MICU3: variants seen among roughly 807,000 people sequenced by gnomAD.
MICU3 encodes calcium uptake protein 3, mitochondrial.
Under a neutral mutation model 66.5 loss-of-function variants are expected in MICU3, and 62 were observed. That is an observed-to-expected ratio of 0.93 (90% confidence interval 0.76 to 1.15). The LOEUF is 1.15. MICU3 is among the 50% of genes most tolerant of loss of function. MICU3 has a pLI of 0.00. For missense variants in MICU3, 779 were observed against 664.4 expected, an observed-to-expected ratio of 1.17 and a Z score of -1.90; for synonymous variants, 308 against 240.7, an observed-to-expected ratio of 1.28 and a Z score of -2.59.
At chr8:17,112,111 A>T (rs944605557) in intron 11 of MICU3, among the ~76,000 whole-genome samples, 1 of 151,992 alleles carries the variant, frequency 6.6e-6, no homozygotes, top group Non-Finnish European at 1.5e-5. Context: ...ACATGGGGGG[A>T]TTATAGGTCC....
In MICU3 at chr8:17,066,517, CTATA is replaced by C. The variant is rs71212675; in HGVS notation, c.535+2301_535+2304del. 2.2e-3 allele frequency among the ~76,000 whole-genome samples: 236 copies of C among 105,018 alleles called. 4 individuals are homozygous for C. The highest frequency in any genetic ancestry group is 8.3e-3 in the African/African-American group (205 of 24,558). The allele number at this position is 105,018 out of a possible 152,430, so 68.9% of individuals were successfully genotyped here. On this transcript the variant is annotated intron_variant, in intron 2 of 14. Transcript: ENST00000318063. ...TATTCTTTAAGTGATTGTTAATAAT[CTATA>C]TATATATATATATATATATAGATTT...
intron 5 of MICU3, among the ~76,000 whole-genome samples, chr8:17,082,505 G>A (rs1821340593): frequency 6.6e-6 from 1 of 152,004 alleles, no homozygotes; most frequent in South Asian, 2.1e-4. Flanking sequence ...AAGTATTATT[G>A]GTTTACATGT....
chr8:17,090,099 G>C (rs1799888134), intron 7 of MICU3, among the ~76,000 whole-genome samples: 1 of 151,954 alleles, frequency 6.6e-6, no homozygotes, highest in African/African-American at 2.4e-5. Flanking sequence ...AACAGTCTTA[G>C]AGAGATTCAT....
At chr8:17,136,751 T>A in the MICU3 span, among the ~76,000 whole-genome samples, 12 of 151,892 alleles carry the variant, frequency 7.9e-5, no homozygotes, top group East Asian at 2.3e-3. Context: ...AGGCAGAGCA[T>A]GGTGGAAGCC....
intron 1 of MICU3, among the ~76,000 whole-genome samples, chr8:17,054,941 G>T (rs1209233315): frequency 6.6e-6 from 1 of 151,798 alleles, no homozygotes; most frequent in Non-Finnish European, 1.5e-5. Context: ...GTTTCACTAT[G>T]TTGGCCAGGA....
intron 5 of MICU3, among the ~76,000 whole-genome samples, chr8:17,083,348 T>C (rs1025561183): frequency 1.3e-5 from 2 of 152,118 alleles, no homozygotes; most frequent in Admixed American, 1.3e-4. Flanking sequence ...CAGAATCTTG[T>C]AGCTCCAGCT....
chr8:17,035,116 T>C (rs1020701144), intron 1 of MICU3, among the ~76,000 whole-genome samples: 11 of 152,214 alleles, frequency 7.2e-5, no homozygotes, highest in African/African-American at 2.7e-4. Context: ...CCTGCCGCCA[T>C]GTAAGAGGTG....
intron 1 of MICU3, among the ~76,000 whole-genome samples, chr8:17,042,966 G>T (rs1814439532): frequency 1.7e-5 from 2 of 121,048 alleles, no homozygotes; most frequent in South Asian, 2.5e-4. Flanking sequence ...TTGAGACGGA[G>T]TCTCACTCTT....
chr8:17,079,271 C>G (rs1820830674), intron 4 of MICU3, among the ~76,000 whole-genome samples: 1 of 152,056 alleles, frequency 6.6e-6, no homozygotes, highest in South Asian at 2.1e-4. Flanking sequence ...TGAAATGTGT[C>G]TAGCGTAACT....
At chr8:17,059,086 T>C (rs1817427636) in intron 1 of MICU3, among the ~76,000 whole-genome samples, 1 of 152,236 alleles carries the variant, frequency 6.6e-6, no homozygotes, top group African/African-American at 2.4e-5. Flanking sequence ...TTGTCATTTG[T>C]TGACATTAAA....
chr8:17,048,641 G>A (rs530425198), intron 1 of MICU3, among the ~76,000 whole-genome samples: 231 of 152,136 alleles, frequency 1.5e-3, no homozygotes, highest in African/African-American at 5.2e-3. Flanking sequence ...ATTGAGACAG[G>A]GATTCACTCT....
intron 1 of MICU3, among the ~76,000 whole-genome samples, chr8:17,056,918 C>G (rs1479060672): frequency 6.6e-6 from 1 of 152,212 alleles, no homozygotes; most frequent in Non-Finnish European, 1.5e-5. Flanking sequence ...AAGCAGGGAA[C>G]TGAAGTAGAT....
intron 5 of MICU3, among the ~76,000 whole-genome samples, chr8:17,083,354 C>G (rs774008633): frequency 6.6e-6 from 1 of 152,072 alleles, no homozygotes. Context: ...CTTGTAGCTC[C>G]AGCTGCATGA....
At chr8:17,062,942 G>A (rs1215289313) in intron 1 of MICU3, among the ~76,000 whole-genome samples, 2 of 151,646 alleles carry the variant, frequency 1.3e-5, no homozygotes, top group Non-Finnish European at 2.9e-5. Context: ...TTTCAAGGTT[G>A]GTCATTATAC....
intron 1 of MICU3, among the ~76,000 whole-genome samples, chr8:17,048,918 T>C (rs1815575342): frequency 6.6e-6 from 1 of 152,202 alleles, no homozygotes; most frequent in South Asian, 2.1e-4. Flanking sequence ...GCACCCAACC[T>C]GTCTTTGAAC....
intron 1 of MICU3, among the ~76,000 whole-genome samples, chr8:17,037,603 TG>T (rs1440519962): frequency 6.6e-6 from 1 of 152,194 alleles, no homozygotes; most frequent in Non-Finnish European, 1.5e-5. Flanking sequence ...AAGGGATATG[TG>T]GGGTCAGAGC....
Position 17,087,010 on chromosome 8 carries a change from G to A in MICU3, c.824G>A (p.Gly275Glu). The A allele has an allele frequency of 6.2e-7, 1 of 1,607,752 alleles. No individual in the cohort carries two copies. The highest frequency in any genetic ancestry group is 8.5e-7 in the Non-Finnish European group (1 of 1,175,376). The change falls in exon 7 of 15, where the codon GGA becomes GAA. Residue 275 changes from glycine (G) to glutamate (E), a missense_variant. By Grantham distance (98) the Gly-to-Glu change is moderately conservative. Coordinates refer to ENST00000318063, the MANE Select transcript of MICU3 (RefSeq NM_181723.3). Reference sequence around the variant, plus strand: ...AAAAATGAAAAGAGAGAAATTAAAGGAGATGAAGAAAAGCGTGCAATGCTG... The same window carrying A: ...AAAAATGAAAAGAGAGAAATTAAAGAAGATGAAGAAAAGCGTGCAATGCTG... The part of the protein sequence containing the change: ...RKKNEKREIK[G>E]DEEKRAMLRL...
chr8:17,036,454 T>C (rs1018339961), intron 1 of MICU3, among the ~76,000 whole-genome samples: 2 of 151,640 alleles, frequency 1.3e-5, no homozygotes, highest in Non-Finnish European at 1.5e-5. Context: ...TCTGGCCCCA[T>C]CCACATCCTG....
At position 17,105,447 on chromosome 8, in the gene MICU3, A is replaced by T. The variant is rs964742035; in HGVS notation, c.1120A>T (p.Ile374Leu). ...TAATCTCCAAACAGAAGTTCTAGAAATAGAATTCCTTTCCTACTCAAATGG... is the reference window on the plus strand; with the variant it reads ...TAATCTCCAAACAGAAGTTCTAGAATTAGAATTCCTTTCCTACTCAAATGG... Reference protein sequence around the residue: ...MDNLQTEVLEIEFLSYSNGMN... With the variant: ...MDNLQTEVLELEFLSYSNGMN... The change falls in exon 11 of 15, where the codon ATA (isoleucine) becomes TTA (leucine). Residue 374 changes from isoleucine to leucine, a missense_variant. Transcript: ENST00000318063. The T allele has an allele frequency of 5.1e-6, 8 of 1,567,390 alleles. No homozygotes were observed. Among genetic ancestry groups the T allele is most frequent in the Middle Eastern group, 1.7e-4 (1 of 5,920 alleles).
Sources: gnomAD v4.1 joint callset for allele counts (sites outside exome capture counted in the v4.1 genomes callset) on GRCh38, gnomAD v4.1.1 for gene constraint, MANE v1.5 for transcripts, NCBI Gene and HGNC (gene_info 2026-07-23, HGNC 2026-07-21) for gene names.